The following ELOVL5 variants were observed in gnomAD, a reference collection of about 807,000 sequenced individuals.
ELOVL5 encodes the protein very long chain fatty acid elongase 5.
Under a neutral mutation model 38.6 loss-of-function variants are expected in ELOVL5, and 8 were observed. That is an observed-to-expected ratio of 0.21 (90% CI 0.12 to 0.37). The LOEUF is 0.37. Among genes scored for constraint, ELOVL5 ranks in the 10% least tolerant of loss-of-function variants. The pLI, the probability that ELOVL5 is intolerant of heterozygous loss-of-function variation, is 1.00. For synonymous variants in ELOVL5, 127 were observed against 133.7 expected (o/e 0.95, Z 0.34); for missense variants, 280 against 367.8 (o/e 0.76, Z 1.95).
chr6:53,309,339 G>A (rs937821324), intron 1 of ELOVL5, among the ~76,000 whole-genome samples: 3 of 152,190 alleles, frequency 2.0e-5, no homozygotes, highest in Non-Finnish European at 2.9e-5. Context: ...TTTGGCCAAG[G>A]ACAATTCCAT....
At chr6:53,346,023 C>T (rs550989138) in intron 1 of ELOVL5, among the ~76,000 whole-genome samples, 33 of 152,276 alleles carry the variant, frequency 2.2e-4, no homozygotes, top group Admixed American at 1.2e-3. Context: ...TTAAGCCCTG[C>T]GTGCATTAGG....
chr6:53,280,726 G>A (rs963338615), intron 3 of ELOVL5, among the ~76,000 whole-genome samples: 7 of 152,196 alleles, frequency 4.6e-5, no homozygotes, highest in Admixed American at 6.5e-5. Context: ...CCAAGTAGCT[G>A]AGACTACAGG....
At chr6:53,310,897 T>C (rs1163845964) in intron 1 of ELOVL5, among the ~76,000 whole-genome samples, 4 of 152,220 alleles carry the variant, frequency 2.6e-5, no homozygotes, top group Non-Finnish European at 5.9e-5. Context: ...TGGTTTTTTC[T>C]GTGAAAGGGT....
chr6:53,345,003 C>T (rs1333020082), intron 1 of ELOVL5, among the ~76,000 whole-genome samples: 1 of 152,216 alleles, frequency 6.6e-6, no homozygotes, highest in Non-Finnish European at 1.5e-5. Context: ...GTTCTGCAGG[C>T]CCTTCTTAAA....
chr6:53,317,015 G>A (rs1004240181), intron 1 of ELOVL5, among the ~76,000 whole-genome samples: 3 of 152,126 alleles, frequency 2.0e-5, no homozygotes, highest in Non-Finnish European at 2.9e-5. Context: ...AAGATAAATT[G>A]TACATTAAGT....
chr6:53,290,140 A>C (rs1484620747), intron 3 of ELOVL5: 1 of 152,236 alleles, frequency 6.6e-6, no homozygotes, highest in Non-Finnish European at 1.5e-5. Context: ...ACTCAGATGC[A>C]CACAGCTGTA....
intron 1 of ELOVL5, among the ~76,000 whole-genome samples, chr6:53,299,977 T>C (rs762478516): frequency 4.6e-5 from 7 of 152,148 alleles, no homozygotes; most frequent in Non-Finnish European, 1.0e-4. Context: ...ATTTTCAAAT[T>C]ATTGTTCCTG....
At chr6:53,296,880 T>C (rs1458670928) in intron 1 of ELOVL5, among the ~76,000 whole-genome samples, 5 of 152,246 alleles carry the variant, frequency 3.3e-5, no homozygotes, top group Non-Finnish European at 7.3e-5. Context: ...CATTTAGCAA[T>C]ACTTCTCTTC....
chr6:53,337,650 G>A (rs1000558467), intron 1 of ELOVL5, among the ~76,000 whole-genome samples: 1 of 152,216 alleles, frequency 6.6e-6, no homozygotes, highest in Non-Finnish European at 1.5e-5. Context: ...ATTCAGGCAC[G>A]TAATTGCTAG....
intron 1 of ELOVL5, among the ~76,000 whole-genome samples, chr6:53,305,251 G>T (rs560158989): frequency 2.8e-5 from 4 of 141,724 alleles, no homozygotes; most frequent in African/African-American, 1.1e-4. Flanking sequence ...GGGCAGAGGG[G>T]CTCCTCACTT....
rs910086248 is a variant in ELOVL5 at position 53,316,431 on chromosome 6, G to A, written c.-8-20724C>T. Among the ~76,000 whole-genome samples, 30 of 152,256 alleles carry A rather than the reference G, an allele frequency of 2.0e-4. 1 individual carries two copies. Among genetic ancestry groups the A allele is most frequent in the Non-Finnish European group, 7.4e-5 (5 of 68,016 alleles). On this transcript the variant is annotated intron_variant, in intron 1 of 7. Coordinates refer to ENST00000304434, the MANE Select transcript of ELOVL5 (RefSeq NM_021814.5). ...GCAAAGAGAGTAATATTTAAGGCTT[G>A]CTAGTGGGGATCAGACAGAAGGCAG...
chr6:53,310,153 A>T (rs1293637788), intron 1 of ELOVL5, among the ~76,000 whole-genome samples: 3 of 152,200 alleles, frequency 2.0e-5, no homozygotes, highest in African/African-American at 7.2e-5. Flanking sequence ...AATAAAATAT[A>T]AACCCTCCCC....
intron 1 of ELOVL5, among the ~76,000 whole-genome samples, chr6:53,298,900 C>CGGGGGGGGGGGGAGGGGGG (rs35819949): frequency 1.3e-5 from 1 of 79,384 alleles, no homozygotes; most frequent in African/African-American, 4.6e-5. Flanking sequence ...GGGGGCAAGG[C>CGGGGGGGGGGGGAGGGGGG]GGGGGGGGGG....
chr6:53,321,920 C>A (rs1440596838), intron 1 of ELOVL5, among the ~76,000 whole-genome samples: 1 of 152,128 alleles, frequency 6.6e-6, no homozygotes, highest in East Asian at 1.9e-4. Flanking sequence ...GTTAACAGGT[C>A]ACCCATGTTA....
chr6:53,344,632 A>G (rs567359980), intron 1 of ELOVL5, among the ~76,000 whole-genome samples: 4 of 152,322 alleles, frequency 2.6e-5, no homozygotes, highest in Admixed American at 1.3e-4. Flanking sequence ...ATGCTGTAGC[A>G]TCCATTAATA....
intron 3 of ELOVL5, among the ~76,000 whole-genome samples, chr6:53,276,570 C>G (rs549140324): frequency 6.6e-6 from 1 of 152,230 alleles, no homozygotes; most frequent in South Asian, 2.1e-4. Context: ...CCAGACCAAG[C>G]CAATCACAGG....
chr6:53,300,337 G>C lies in ELOVL5; in HGVS notation c.-8-4630C>G, dbSNP rs1009719218. On this transcript the variant is annotated intron_variant, in intron 1 of 7. Coordinates refer to ENST00000304434, the MANE Select transcript of ELOVL5 (RefSeq NM_021814.5). Reference sequence around the variant, plus strand: ...TCATTTTTCATTCATACCACACACCGAGTGCCTACCACATGCTAGGCACGG... The same window carrying C: ...TCATTTTTCATTCATACCACACACCCAGTGCCTACCACATGCTAGGCACGG... 2.0e-5 allele frequency among the ~76,000 whole-genome samples: 3 copies of C among 151,874 alleles called. No homozygotes were observed. The East Asian group carries it at 5.8e-4, about 29-fold the overall frequency.
chr6:53,282,097 A>C (rs1410021532), intron 3 of ELOVL5, among the ~76,000 whole-genome samples: 1 of 152,200 alleles, frequency 6.6e-6, no homozygotes, highest in Non-Finnish European at 1.5e-5. Context: ...GAGTGCAATA[A>C]GCATTAGATT....
At position 53,268,297 on chromosome 6, in the gene ELOVL5, T is replaced by C. The variant is rs754722098; in HGVS notation, c.*830A>G. On this transcript the variant is annotated 3_prime_UTR_variant, in exon 8 of 8. Transcript: ENST00000304434. Reference sequence around the variant, plus strand: ...ACTGGTGGAAAGCAAAATTGACTTTTTGTTTGCTGTATAAAAACACTTAGC... The same window carrying C: ...ACTGGTGGAAAGCAAAATTGACTTTCTGTTTGCTGTATAAAAACACTTAGC... The C allele has an allele frequency of 2.0e-4, 30 of 152,202 alleles. No homozygotes were observed. The highest frequency in any genetic ancestry group is 5.3e-4 in the African/African-American group (22 of 41,456). The allele number at this position is 152,202 out of a possible 1,614,324, so 9.4% of individuals were successfully genotyped here.
Sources: gnomAD v4.1 joint callset for allele counts (sites outside exome capture counted in the v4.1 genomes callset) on GRCh38, gnomAD v4.1.1 for gene constraint, MANE v1.5 for transcripts, NCBI Gene and HGNC (gene_info 2026-07-23, HGNC 2026-07-21) for gene names.